SLC16A2: variants seen among roughly 807,000 people sequenced by gnomAD.
SLC16A2 encodes the protein solute carrier family 16 member 2.
A neutral mutation model predicts 27.2 loss-of-function variants in SLC16A2; 3 were observed. That is an observed-to-expected ratio of 0.11 (90% CI 0.05 to 0.28). The LOEUF is 0.28. Ranked by LOEUF, SLC16A2 falls within the 10% of genes least tolerant of loss-of-function variation. SLC16A2 has a pLI of 1.00. For synonymous variants in SLC16A2, 202 were observed against 187.8 expected, an observed-to-expected ratio of 1.08 and a Z score of -0.62; for missense variants, 295 against 458.5, an observed-to-expected ratio of 0.64 and a Z score of 3.26.
intron 1 of SLC16A2, among the ~76,000 whole-genome samples, chrX:74,476,806 C>T (rs1014667996): frequency 1.3e-4 from 14 of 111,711 alleles, no homozygotes; most frequent in African/African-American, 4.2e-4. Flanking sequence ...GTTGAACCAG[C>T]CTTGCATCCC....
intron 1 of SLC16A2, among the ~76,000 whole-genome samples, chrX:74,495,259 A>G (rs1435897400): frequency 9.0e-6 from 1 of 111,232 alleles, no homozygotes; most frequent in African/African-American, 3.3e-5. Context: ...GAGATCACAG[A>G]TACCAGCCAG....
chrX:74,427,811 G>GCACATACA (rs1555980174), intron 1 of SLC16A2, among the ~76,000 whole-genome samples: 29 of 101,726 alleles, frequency 2.9e-4, no homozygotes, highest in African/African-American at 1.0e-3. Context: ...GCACGCGCGC[G>GCACATACA]CACACACACA....
chrX:74,431,814 A>G (rs1160832734), intron 1 of SLC16A2, among the ~76,000 whole-genome samples: 1 of 111,416 alleles, frequency 9.0e-6, no homozygotes, highest in African/African-American at 3.3e-5. Context: ...TATTATTATT[A>G]TCCTTTTCCA....
intron 1 of SLC16A2, among the ~76,000 whole-genome samples, chrX:74,489,970 T>TACACACATACACACAC (rs142843990): frequency 2.3e-5 from 2 of 87,146 alleles, no homozygotes; most frequent in African/African-American, 4.2e-5. Context: ...GTCACACACA[T>TACACACATACACACAC]ACACACACAC....
chrX:74,526,678 G>A (rs961339730), intron 4 of SLC16A2, among the ~76,000 whole-genome samples: 6 of 112,416 alleles, frequency 5.3e-5, no homozygotes, highest in African/African-American at 1.9e-4. Flanking sequence ...ACAGACAGTA[G>A]TAGCAGAGCT....
At chrX:74,455,114 A>T (rs936811466) in intron 1 of SLC16A2, among the ~76,000 whole-genome samples, 1 of 111,936 alleles carries the variant, frequency 8.9e-6, no homozygotes, top group East Asian at 2.8e-4. Context: ...TGTATGTCTC[A>T]GTTTCTTCAA....
At chrX:74,432,031 G>T (rs62611921) in intron 1 of SLC16A2, among the ~76,000 whole-genome samples, 455 of 111,435 alleles carry the variant, frequency 4.1e-3, no homozygotes, top group Non-Finnish European at 6.0e-3. Context: ...CCAGATCCTA[G>T]GTCATATACA....
At chrX:74,486,769 T>C (rs1181947814) in intron 1 of SLC16A2, among the ~76,000 whole-genome samples, 1 of 112,158 alleles carries the variant, frequency 8.9e-6, no homozygotes, top group Non-Finnish European at 1.9e-5. Flanking sequence ...CATGCTGCTA[T>C]AAAGACACAT....
intron 1 of SLC16A2, among the ~76,000 whole-genome samples, chrX:74,430,717 T>C (rs1308779482): frequency 8.9e-6 from 1 of 112,316 alleles, no homozygotes; most frequent in East Asian, 2.8e-4. Flanking sequence ...AAATGTGAAT[T>C]AGTTCAGCTG....
chrX:74,487,702 A>G (rs1929746848), intron 1 of SLC16A2, among the ~76,000 whole-genome samples: 1 of 111,380 alleles, frequency 9.0e-6, no homozygotes, highest in African/African-American at 3.3e-5. Flanking sequence ...TTTACATTAT[A>G]CTCTCCGGTT....
intron 1 of SLC16A2, among the ~76,000 whole-genome samples, chrX:74,481,279 G>C (rs1016580770): frequency 5.4e-5 from 6 of 111,720 alleles, no homozygotes; most frequent in African/African-American, 2.0e-4. Flanking sequence ...TGAAGGATTG[G>C]TATTAATTAT....
At chrX:74,505,663 A>G (rs1475127060) in intron 1 of SLC16A2, among the ~76,000 whole-genome samples, 2 of 111,881 alleles carry the variant, frequency 1.8e-5, no homozygotes, top group African/African-American at 6.5e-5. Flanking sequence ...AGCCATATTA[A>G]TCCTGGCAGC....
chrX:74,467,320 G>C (rs989798620), intron 1 of SLC16A2, among the ~76,000 whole-genome samples: 1 of 111,647 alleles, frequency 9.0e-6, no homozygotes, highest in African/African-American at 3.3e-5. Context: ...TTTGGAGTTG[G>C]GGTCTAAGGC....
At chrX:74,507,554 A>G (rs1930157271) in intron 1 of SLC16A2, among the ~76,000 whole-genome samples, 1 of 112,280 alleles carries the variant, frequency 8.9e-6, no homozygotes, top group Non-Finnish European at 1.9e-5. Flanking sequence ...ATCATTATAC[A>G]AAAATGATAC....
intron 1 of SLC16A2, among the ~76,000 whole-genome samples, chrX:74,477,336 CA>C (rs1040160104): frequency 9.0e-6 from 1 of 111,418 alleles, no homozygotes; most frequent in African/African-American, 3.3e-5. Flanking sequence ...TCCCCTTTAT[CA>C]TTTTTTTATT....
At chrX:74,446,270 T>A (rs1302344245) in intron 1 of SLC16A2, among the ~76,000 whole-genome samples, 2 of 111,379 alleles carry the variant, frequency 1.8e-5, no homozygotes, top group Non-Finnish European at 3.8e-5. Flanking sequence ...AGGATAAATT[T>A]CTCACACATT....
intron 1 of SLC16A2, among the ~76,000 whole-genome samples, chrX:74,430,804 C>T (rs967950350): frequency 1.8e-5 from 2 of 112,493 alleles, no homozygotes; most frequent in Non-Finnish European, 3.8e-5. Flanking sequence ...TGCAGTGGCA[C>T]GATCTTCGCT....
chrX:74,455,721 G>A (rs1055439267), intron 1 of SLC16A2, among the ~76,000 whole-genome samples: 10 of 111,605 alleles, frequency 9.0e-5, no homozygotes, highest in African/African-American at 2.9e-4. Context: ...GCAGCCATGT[G>A]GGGAGCAGTC....
At chrX:74,440,506 C>G (rs1928722816) in intron 1 of SLC16A2, among the ~76,000 whole-genome samples, 1 of 97,798 alleles carries the variant, frequency 1.0e-5, no homozygotes, top group Non-Finnish European at 2.0e-5. Context: ...AGATTGTTTA[C>G]TCTGAATATA....
Sources: gnomAD v4.1 joint callset for allele counts (sites outside exome capture counted in the v4.1 genomes callset) on GRCh38, gnomAD v4.1.1 for gene constraint, MANE v1.5 for transcripts, NCBI Gene and HGNC (gene_info 2026-07-23, HGNC 2026-07-21) for gene names.